Variants in P2RY14 observed in about 807,000 individuals in gnomAD.
P2RY14 encodes P2Y purinoceptor 14.
A neutral mutation model predicts 0.9 loss-of-function variants in P2RY14; 2 were observed. The ratio of observed to expected loss-of-function variants is 2.16; its 90% CI spans 0.88 to 6.79. P2RY14 has a LOEUF of 6.79. P2RY14 is among the 30% of genes most tolerant of loss of function. The pLI is 0.05. For synonymous variants in P2RY14, 158 were observed against 147.2 expected, an observed-to-expected ratio of 1.07 and a Z score of -0.53; for missense variants, 378 against 400.1, an observed-to-expected ratio of 0.94 and a Z score of 0.47.
chr3:151,258,063 C>A (rs1242812560), intron 1 of P2RY14, among the ~76,000 whole-genome samples: 1 of 152,186 alleles, frequency 6.6e-6, no homozygotes, highest in African/African-American at 2.4e-5. Flanking sequence ...AAGGTGCAAG[C>A]CCAGTATCTA....
intron 1 of P2RY14, among the ~76,000 whole-genome samples, chr3:151,258,152 G>T (rs1738174690): frequency 6.6e-6 from 1 of 152,098 alleles, no homozygotes; most frequent in Non-Finnish European, 1.5e-5. Context: ...TCTTCCACAG[G>T]CCCAAAGTGG....
intron 1 of P2RY14, among the ~76,000 whole-genome samples, chr3:151,252,803 T>TA (rs2149458069): frequency 6.6e-6 from 1 of 152,024 alleles, no homozygotes; most frequent in Non-Finnish European, 1.5e-5. Context: ...TTCTAGAACT[T>TA]ATCTAGAAAA....
At chr3:151,235,856 T>A (rs1030061059) in intron 1 of P2RY14, among the ~76,000 whole-genome samples, 2 of 152,144 alleles carry the variant, frequency 1.3e-5, no homozygotes, top group African/African-American at 4.8e-5. Context: ...GCCTTTCCTG[T>A]TCATGGCATC....
intron 1 of P2RY14, among the ~76,000 whole-genome samples, chr3:151,257,569 G>A (rs1372260695): frequency 6.6e-6 from 1 of 152,194 alleles, no homozygotes; most frequent in Non-Finnish European, 1.5e-5. Context: ...GAGGAATATT[G>A]TTCTGTATGC....
At chr3:151,238,920 GACAA>G (rs1049064150) in intron 1 of P2RY14, among the ~76,000 whole-genome samples, 1 of 152,158 alleles carries the variant, frequency 6.6e-6, no homozygotes, top group African/African-American at 2.4e-5. Context: ...TTGATCGAAT[GACAA>G]ACTAATAATT....
At chr3:151,262,076 A>G (rs534197928) in intron 1 of P2RY14, among the ~76,000 whole-genome samples, 1 of 152,324 alleles carries the variant, frequency 6.6e-6, no homozygotes, top group African/African-American at 2.4e-5. Flanking sequence ...AATCACTGTT[A>G]AAACTACTAT....
At chr3:151,266,631 T>C (rs998032424) in intron 1 of P2RY14, among the ~76,000 whole-genome samples, 1 of 152,188 alleles carries the variant, frequency 6.6e-6, no homozygotes, top group Non-Finnish European at 1.5e-5. Flanking sequence ...TTGAAGATTT[T>C]AAGTAAATGA....
At chr3:151,221,046 A>G (rs931830885) in intron 1 of P2RY14, among the ~76,000 whole-genome samples, 1 of 152,150 alleles carries the variant, frequency 6.6e-6, no homozygotes, top group African/African-American at 2.4e-5. Context: ...CTCAGATGGA[A>G]ATGAGGAACT....
At chr3:151,273,018 C>T (rs1473463425) in intron 1 of P2RY14, among the ~76,000 whole-genome samples, 1 of 152,078 alleles carries the variant, frequency 6.6e-6, no homozygotes, top group Non-Finnish European at 1.5e-5. Context: ...TGGAGCATTT[C>T]AGATTAGGGA....
intron 1 of P2RY14, among the ~76,000 whole-genome samples, chr3:151,250,489 A>C (rs6782715): frequency 0.48 from 73,502 of 151,962 alleles, 18,158 homozygotes; most frequent in Middle Eastern, 0.61. Flanking sequence ...ACGAAGTTGA[A>C]TACTCTAGCT....
In P2RY14 at chr3:151,213,594, C is replaced by T; in HGVS notation, c.723G>A (p.Val241=). 1 of 1,614,170 alleles carries T rather than the reference C, an allele frequency of 6.2e-7. No individual in the cohort carries two copies. Among genetic ancestry groups the T allele is most frequent in the Non-Finnish European group, 8.5e-7 (1 of 1,180,030 alleles). ...GGTAAGGTACAAAACAGACAAAAAA[C>T]ACAAACACGATGCTGAATATGTTGC... ...SSRNIFSIVF[V]FFVCFVPYHI... is the part of the protein sequence containing the mutation. Residue 241 remains valine (V), a synonymous_variant, in exon 3 of 3, where the codon GTG becomes GTA. Transcript: ENST00000309170.
chr3:151,239,811 A>G (rs1039865666), intron 1 of P2RY14, among the ~76,000 whole-genome samples: 33 of 152,220 alleles, frequency 2.2e-4, no homozygotes, highest in Admixed American at 1.3e-4. Flanking sequence ...CTCTTAAGCT[A>G]TTAAATATAT....
chr3:151,227,369 A>G (rs560140040), intron 1 of P2RY14, among the ~76,000 whole-genome samples: 1 of 152,338 alleles, frequency 6.6e-6, no homozygotes, highest in East Asian at 1.9e-4. Context: ...AAGAAATCTG[A>G]ATTTCTGCTA....
At chr3:151,216,514 C>T (rs182846163) in intron 2 of P2RY14, among the ~76,000 whole-genome samples, 6 of 152,276 alleles carry the variant, frequency 3.9e-5, no homozygotes, top group Admixed American at 2.6e-4. Context: ...CTTGTTTCTG[C>T]GTATTTTCCT....
At chr3:151,255,545 G>A (rs1040483700) in intron 1 of P2RY14, among the ~76,000 whole-genome samples, 2 of 152,096 alleles carry the variant, frequency 1.3e-5, no homozygotes, top group Non-Finnish European at 2.9e-5. Flanking sequence ...GCTGCTATGG[G>A]CCTTTTCAGA....
intron 2 of P2RY14, among the ~76,000 whole-genome samples, chr3:151,216,741 A>G (rs745493612): frequency 6.6e-6 from 1 of 152,112 alleles, no homozygotes; most frequent in Non-Finnish European, 1.5e-5. Context: ...TAGGTCTTCT[A>G]TCGCCTTTCT....
At chr3:151,276,692 G>C (rs774583120) in intron 1 of P2RY14, among the ~76,000 whole-genome samples, 1 of 152,158 alleles carries the variant, frequency 6.6e-6, no homozygotes, top group Non-Finnish European at 1.5e-5. Flanking sequence ...CTAGGGAGCC[G>C]TGTTCTTCTT....
chr3:151,221,401 A>C (rs1322915506), intron 1 of P2RY14, among the ~76,000 whole-genome samples: 2 of 152,202 alleles, frequency 1.3e-5, no homozygotes, highest in Non-Finnish European at 2.9e-5. Context: ...AATGGGGAAA[A>C]TGTATCCAGG....
intron 1 of P2RY14, among the ~76,000 whole-genome samples, chr3:151,228,007 T>C (rs1730885137): frequency 6.6e-6 from 1 of 152,238 alleles, no homozygotes; most frequent in African/African-American, 2.4e-5. Flanking sequence ...ATGGTAGGTA[T>C]GTTTCAGATG....
Sources: gnomAD v4.1 joint callset for allele counts (sites outside exome capture counted in the v4.1 genomes callset) on GRCh38, gnomAD v4.1.1 for gene constraint, MANE v1.5 for transcripts, NCBI Gene and HGNC (gene_info 2026-07-23, HGNC 2026-07-21) for gene names.